The following PRKG1 variants were observed in gnomAD, a reference collection of about 807,000 sequenced individuals.
PRKG1 encodes the protein protein kinase cGMP-dependent 1.
Under a neutral mutation model 88.1 loss-of-function variants are expected in PRKG1, and 35 were observed. That is an observed-to-expected ratio of 0.40 (90% CI 0.30 to 0.53). The LOEUF is 0.53. Ranked by LOEUF, PRKG1 falls within the 20% of genes least tolerant of loss-of-function variation. The pLI is 0.59. For missense variants in PRKG1, 540 were observed against 839.8 expected, an observed-to-expected ratio of 0.64 and a Z score of 4.41; for synonymous variants, 303 against 292.5, an observed-to-expected ratio of 1.04 and a Z score of -0.37.
chr10:52,067,717 CT>C (rs35466473), intron 7 of PRKG1, among the ~76,000 whole-genome samples: 2,244 of 147,314 alleles, frequency 0.015, 45 homozygotes, highest in African/African-American at 0.045. Flanking sequence ...GCTCAAGCAT[CT>C]TTTTTTTTTT....
intron 7 of PRKG1, among the ~76,000 whole-genome samples, chr10:52,104,024 T>A (rs59186791): frequency 0.014 from 2,021 of 145,448 alleles, 47 homozygotes; most frequent in African/African-American, 0.046. Context: ...TATATATATA[T>A]AATGAGATAT....
intron 2 of PRKG1, among the ~76,000 whole-genome samples, chr10:51,339,217 T>A (rs1022089420): frequency 3.3e-5 from 5 of 152,162 alleles, no homozygotes; most frequent in African/African-American, 9.7e-5. Context: ...AGGCTCAAGT[T>A]GTTTGAGCTT....
chr10:51,356,507 T>C (rs894215245), intron 2 of PRKG1, among the ~76,000 whole-genome samples: 7 of 151,970 alleles, frequency 4.6e-5, no homozygotes, highest in African/African-American at 1.4e-4. Flanking sequence ...TATTCTAGAC[T>C]AAAAGATGCT....
intron 9 of PRKG1, among the ~76,000 whole-genome samples, chr10:52,167,947 G>T (rs1171565904): frequency 6.6e-6 from 1 of 152,130 alleles, no homozygotes; most frequent in African/African-American, 2.4e-5. Flanking sequence ...CTCCAAATGA[G>T]CATGGACAGA....
intron 2 of PRKG1, among the ~76,000 whole-genome samples, chr10:51,395,813 T>G (rs1024699370): frequency 6.6e-6 from 1 of 152,156 alleles, no homozygotes; most frequent in African/African-American, 2.4e-5. Context: ...TGTGACTGAT[T>G]GACAATATCG....
chr10:52,096,559 A>G (rs1847177868), intron 7 of PRKG1, among the ~76,000 whole-genome samples: 1 of 152,156 alleles, frequency 6.6e-6, no homozygotes, highest in Non-Finnish European at 1.5e-5. Context: ...CAGTAAAAAC[A>G]GTTGGACACT....
intron 1 of PRKG1, among the ~76,000 whole-genome samples, chr10:51,076,152 A>C (rs1361481297): frequency 1.3e-5 from 2 of 152,202 alleles, no homozygotes; most frequent in Non-Finnish European, 2.9e-5. Context: ...ACTACTTTTG[A>C]AAACTTAGAG....
chr10:51,287,558 A>C (rs1443781646), intron 2 of PRKG1, among the ~76,000 whole-genome samples: 2 of 152,222 alleles, frequency 1.3e-5, no homozygotes, highest in Non-Finnish European at 2.9e-5. Context: ...GATATTATTA[A>C]GGTTAAAAAG....
At chr10:51,801,778 G>T (rs1341039933) in intron 3 of PRKG1, among the ~76,000 whole-genome samples, 2 of 152,056 alleles carry the variant, frequency 1.3e-5, no homozygotes, top group Non-Finnish European at 2.9e-5. Flanking sequence ...CATTGAAGTT[G>T]TTCTCAATGT....
At chr10:51,503,084 C>T (rs762974237) in intron 3 of PRKG1, among the ~76,000 whole-genome samples, 36 of 152,114 alleles carry the variant, frequency 2.4e-4, no homozygotes, top group Non-Finnish European at 4.0e-4. Context: ...AGGTCATACT[C>T]TATCCTTCTT....
intron 3 of PRKG1, among the ~76,000 whole-genome samples, chr10:51,735,878 TATGTA>T (rs1564626576): frequency 8.6e-4 from 87 of 101,424 alleles, no homozygotes; most frequent in African/African-American, 2.9e-3. Flanking sequence ...TATATATATA[TATGTA>T]TATTTATTTA....
intron 9 of PRKG1, among the ~76,000 whole-genome samples, chr10:52,194,216 T>C (rs1177414178): frequency 1.3e-5 from 2 of 152,190 alleles, no homozygotes; most frequent in African/African-American, 2.4e-5. Flanking sequence ...GGAAACATAA[T>C]TTCCTGTTTT....
chr10:51,996,276 T>C (rs1480231219), intron 5 of PRKG1, among the ~76,000 whole-genome samples: 1 of 117,282 alleles, frequency 8.5e-6, no homozygotes, highest in African/African-American at 3.4e-5. Flanking sequence ...GATAGCACCA[T>C]GGCACTCCAG....
intron 9 of PRKG1, among the ~76,000 whole-genome samples, chr10:52,236,593 T>TG (rs1264397062): frequency 5.1e-5 from 5 of 97,242 alleles, no homozygotes; most frequent in African/African-American, 2.2e-4. Flanking sequence ...CCTCGACACA[T>TG]ACACTCTCCC....
intron 3 of PRKG1, among the ~76,000 whole-genome samples, chr10:51,479,178 A>C (rs1399365488): frequency 6.6e-6 from 1 of 152,082 alleles, no homozygotes; most frequent in Non-Finnish European, 1.5e-5. Flanking sequence ...AAACAGCAGA[A>C]TATTTTTCTG....
chr10:52,010,797 G>T (rs1297715744), intron 5 of PRKG1, among the ~76,000 whole-genome samples: 2 of 152,086 alleles, frequency 1.3e-5, no homozygotes, highest in African/African-American at 4.8e-5. Context: ...AACCAATGTT[G>T]TTAGCCTGAT....
intron 2 of PRKG1, among the ~76,000 whole-genome samples, chr10:51,366,916 G>A (rs7911415): frequency 0.027 from 4,029 of 151,672 alleles, 155 homozygotes; most frequent in African/African-American, 0.089. Context: ...CGACCCCTCC[G>A]ACCCCCTGCA....
chr10:51,098,509 G>A (rs1013456697), intron 1 of PRKG1, among the ~76,000 whole-genome samples: 1 of 152,174 alleles, frequency 6.6e-6, no homozygotes, highest in Non-Finnish European at 1.5e-5. Context: ...TTCCTCTTAA[G>A]GACAGGTCAC....
chr10:51,334,235 C>T (rs1195943313), intron 2 of PRKG1, among the ~76,000 whole-genome samples: 2 of 149,358 alleles, frequency 1.3e-5, no homozygotes, highest in Non-Finnish European at 3.0e-5. Flanking sequence ...ACCATCTTTG[C>T]TTGGGTGTCC....
Sources: allele counts gnomAD v4.1 joint callset (sites outside exome capture counted in the v4.1 genomes callset), GRCh38; gene constraint gnomAD v4.1.1; transcripts MANE v1.5; gene names NCBI Gene and HGNC (gene_info 2026-07-23, HGNC 2026-07-21).